Variants in ACSBG2 observed in about 807,000 individuals in gnomAD.
ACSBG2 encodes long-chain-fatty-acid--CoA ligase ACSBG2.
In ACSBG2, 62 loss-of-function variants were observed where a neutral mutation model predicts 74.7. The ratio of observed to expected loss-of-function variants is 0.83; its 90% CI spans 0.68 to 1.03. The LOEUF (loss-of-function observed/expected upper bound fraction) is 1.03. ACSBG2 is among the 50% of genes least tolerant of loss of function. The probability of loss-of-function intolerance (pLI) is 0.00; values close to 1 mark genes in which losing one functional copy is unlikely to be tolerated. For synonymous variants in ACSBG2, 309 were observed against 294.1 expected (o/e 1.05, Z -0.52); for missense variants, 730 against 817.6 (o/e 0.89, Z 1.31).
chr19:6,182,211 A>T (rs1033461535), intron 8 of ACSBG2, among the ~76,000 whole-genome samples: 11 of 127,984 alleles, frequency 8.6e-5, no homozygotes, highest in East Asian at 2.0e-4. Flanking sequence ...ATTTGTATTT[A>T]AAAAAAAAAA....
At chr19:6,151,844 T>C (rs766663099) in intron 4 of ACSBG2, 49 bp downstream of exon 4, 2 of 1,531,870 alleles carry the variant, frequency 1.3e-6, no homozygotes, top group Non-Finnish European at 8.9e-7. Flanking sequence ...GCCGCTACCC[T>C]GGGCCTGGGA....
intron 8 of ACSBG2, among the ~76,000 whole-genome samples, chr19:6,179,103 T>C (rs2090170453): frequency 6.6e-6 from 1 of 152,158 alleles, no homozygotes; most frequent in Non-Finnish European, 1.5e-5. Context: ...AGAGATCTGA[T>C]AGGACATCAA....
At chr19:6,190,482 C>T in intron 13 of ACSBG2, 102 bp from the exon 14 acceptor site, 1 of 1,001,806 alleles carries the variant, frequency 1.0e-6, no homozygotes, top group Non-Finnish European at 1.6e-6. Flanking sequence ...AGCCAGCCAC[C>T]CAGCCTAGCC....
At chr19:6,149,253 G>T (rs998952276) in intron 3 of ACSBG2, among the ~76,000 whole-genome samples, 2 of 152,128 alleles carry the variant, frequency 1.3e-5, no homozygotes, top group African/African-American at 4.8e-5. Context: ...CCAGCCTTTT[G>T]GTTACTGAAA....
intron 3 of ACSBG2, among the ~76,000 whole-genome samples, chr19:6,149,821 C>G (rs1044540590): frequency 7.1e-6 from 1 of 141,540 alleles, no homozygotes; most frequent in Non-Finnish European, 1.5e-5. Context: ...AGAGATCCAC[C>G]CACCTCGGCC....
In ACSBG2 at chr19:6,180,039, C is replaced by T. The variant is rs1484664248; in HGVS notation, c.906+2643C>T. Among the ~76,000 whole-genome samples the T allele has an allele frequency of 6.6e-6, 1 of 152,040 alleles. No homozygotes were observed. Among genetic ancestry groups the T allele is most frequent in the Non-Finnish European group, 1.5e-5 (1 of 68,016 alleles). ...GGGACCTTTTCCAGCTTCTAGAGGC[C>T]ACCTATGTTCCTTATCTCAGGGCCC... On this transcript the variant is annotated intron_variant, in intron 8 of 14. Transcript: ENST00000588485. The surrounding 1 kb of genome is among the most constrained non-coding windows in gnomAD (Gnocchi z 4.3).
chr19:6,182,284 G>C (rs572788946), intron 8 of ACSBG2, among the ~76,000 whole-genome samples: 1 of 150,078 alleles, frequency 6.7e-6, no homozygotes, highest in East Asian at 1.9e-4. Context: ...GGAGAATCTT[G>C]CATCCTTTTT....
At chr19:6,142,680 G>A (rs556293655) in intron 2 of ACSBG2, among the ~76,000 whole-genome samples, 4 of 151,184 alleles carry the variant, frequency 2.6e-5, no homozygotes, top group Non-Finnish European at 4.4e-5. Context: ...GTGAACCCGG[G>A]AGGTAGAGCT....
intron 6 of ACSBG2, among the ~76,000 whole-genome samples, chr19:6,164,450 T>G (rs2089732449): frequency 6.6e-6 from 1 of 151,056 alleles, no homozygotes; most frequent in Non-Finnish European, 1.5e-5. Flanking sequence ...TTTTTTTTTT[T>G]GAGATGGAGT....
At chr19:6,184,019 C>T (rs1167593662) in intron 10 of ACSBG2, among the ~76,000 whole-genome samples, 1 of 152,076 alleles carries the variant, frequency 6.6e-6, no homozygotes, top group Non-Finnish European at 1.5e-5. Context: ...CCTAGGCTGG[C>T]CTTGAATTCC....
intron 8 of ACSBG2, 40 bp from the exon 9 acceptor site, chr19:6,182,711 G>A (rs762259007): frequency 6.3e-7 from 1 of 1,595,410 alleles, no homozygotes; most frequent in South Asian, 1.1e-5. Context: ...CTGGTGCACG[G>A]AAGGCCCTGC....
chr19:6,190,563 T>C (rs771622252), intron 13 of ACSBG2, 21 bp from the exon 14 acceptor site: 7 of 1,608,724 alleles, frequency 4.4e-6, no homozygotes, highest in Non-Finnish European at 6.0e-6. Context: ...ACAACTCAAT[T>C]GATTTCTCCT....
chr19:6,142,669 C>A (rs1033123368), intron 2 of ACSBG2, among the ~76,000 whole-genome samples: 2 of 148,630 alleles, frequency 1.3e-5, no homozygotes, highest in East Asian at 4.0e-4. Flanking sequence ...AGGAGAATGG[C>A]GTGAACCCGG....
At chr19:6,176,392 G>T in intron 7 of ACSBG2, 1 of 1,521,890 alleles carries the variant, frequency 6.6e-7, no homozygotes, top group Non-Finnish European at 8.8e-7. Flanking sequence ...ACCATCTCAT[G>T]CTTGTCTGTC....
At chr19:6,141,713 CCTGACCCTG>C in intron 2 of ACSBG2, 103 bp downstream of exon 2, 1 of 807,518 alleles carries the variant, frequency 1.2e-6, no homozygotes, top group East Asian at 2.7e-5. Flanking sequence ...CCATTCCTTG[CCTGACCCTG>C]CTGACCCCGA....
Position 6,185,601 on chromosome 19 carries a change from T to C in ACSBG2, c.1488T>C (p.Asp496=), listed in dbSNP as rs761290797. ...ATGAAGGCTGGCTACACTCTGGGGA[T>C]CTGGGCCAGCTGGACGGTCTGGGTT... ...IDDEGWLHSG[D]LGQLDGLGFL... The change falls in exon 11 of 15, where the codon GAT becomes GAC. Residue 496 remains aspartate, a synonymous_variant. Transcript: ENST00000588485. The C allele has an allele frequency of 1.2e-6, 2 of 1,614,056 alleles. No individual in the cohort carries two copies. The highest frequency in any genetic ancestry group is 2.7e-5 in the African/African-American group (2 of 74,940).
chr19:6,181,820 C>CCT (rs1329098554), intron 8 of ACSBG2, among the ~76,000 whole-genome samples: 1 of 124,518 alleles, frequency 8.0e-6, no homozygotes, highest in African/African-American at 3.0e-5. Context: ...CCCGCCCCCC[C>CCT]CCCCAACGAA....
intron 7 of ACSBG2, among the ~76,000 whole-genome samples, chr19:6,171,014 T>C (rs2089950180): frequency 1.3e-5 from 2 of 152,048 alleles, no homozygotes; most frequent in Admixed American, 1.3e-4. Flanking sequence ...TACAATCTGT[T>C]TTATTGGATA....
At chr19:6,162,907 T>C (rs1328671933) in intron 6 of ACSBG2, among the ~76,000 whole-genome samples, 1 of 151,818 alleles carries the variant, frequency 6.6e-6, no homozygotes, top group Non-Finnish European at 1.5e-5. Flanking sequence ...GTATCACCCC[T>C]GGTTGAAGAC....
Sources: gnomAD v4.1 joint callset for allele counts (sites outside exome capture counted in the v4.1 genomes callset) on GRCh38, gnomAD v4.1.1 for gene constraint, Gnocchi (gnomAD v3.1) non-coding constraint, MANE v1.5 for transcripts, NCBI Gene and HGNC (gene_info 2026-07-23, HGNC 2026-07-21) for gene names.